CERKL: variants seen among roughly 807,000 people sequenced by gnomAD.
CERKL encodes CERK like autophagy regulator, also known as ceramide kinase-like protein.
Under a neutral mutation model 63.4 loss-of-function variants are expected in CERKL, and 61 were observed. The ratio of observed to expected loss-of-function variants is 0.96; its 90% CI spans 0.78 to 1.19. The LOEUF is 1.19. Ranked by LOEUF, CERKL falls within the 50% of genes most tolerant of loss-of-function variation. CERKL has a pLI of 0.00. For missense variants in CERKL, 675 were observed against 655.5 expected (o/e 1.03, Z -0.33); for synonymous variants, 250 against 230.5 (o/e 1.08, Z -0.77).
chr2:181,614,143 T>TA (rs1170517607), intron 1 of CERKL, among the ~76,000 whole-genome samples: 1 of 152,194 alleles, frequency 6.6e-6, no homozygotes, highest in Non-Finnish European at 1.5e-5. Context: ...ACTGGCTTCC[T>TA]AGACTTGAGA....
intron 1 of CERKL, among the ~76,000 whole-genome samples, chr2:181,604,353 C>G (rs1685589170): frequency 6.6e-6 from 1 of 151,976 alleles, no homozygotes; most frequent in Non-Finnish European, 1.5e-5. Context: ...AAATTGTGAC[C>G]ATATCTTAAA....
At chr2:181,642,299 G>A (rs1199343806) in intron 1 of CERKL, among the ~76,000 whole-genome samples, 1 of 152,178 alleles carries the variant, frequency 6.6e-6, no homozygotes, top group African/African-American at 2.4e-5. Context: ...CACTTGGGGT[G>A]TACACAACAG....
Position 181,566,136 on chromosome 2 carries a change from C to T in CERKL, c.614-15G>A, listed in dbSNP as rs776653993. The T allele has an allele frequency of 1.3e-6, 2 of 1,591,420 alleles. No individual in the cohort carries two copies. Among genetic ancestry groups the T allele is most frequent in the South Asian group, 2.2e-5 (2 of 90,656 alleles). ...ATATTCCATTACTATTAAAAAAACACACACACATACACAAAGTGACAGTTT... is the reference window on the plus strand; with the variant it reads ...ATATTCCATTACTATTAAAAAAACATACACACATACACAAAGTGACAGTTT... On this transcript the variant is annotated splice_polypyrimidine_tract_variant and intron_variant, in intron 3 of 12. Transcript: ENST00000410087.
chr2:181,631,238 A>G (rs1686942047), intron 1 of CERKL, among the ~76,000 whole-genome samples: 1 of 152,200 alleles, frequency 6.6e-6, no homozygotes, highest in South Asian at 2.1e-4. Flanking sequence ...GTTCTTTAAA[A>G]GTCTTTTCTT....
At chr2:181,627,670 C>G (rs1255781174) in intron 1 of CERKL, among the ~76,000 whole-genome samples, 3 of 152,178 alleles carry the variant, frequency 2.0e-5, no homozygotes, top group African/African-American at 7.2e-5. Context: ...CATCTGGTTT[C>G]ATCATCTTGT....
At chr2:181,586,736 T>C (rs1020244606) in intron 2 of CERKL, among the ~76,000 whole-genome samples, 1 of 152,142 alleles carries the variant, frequency 6.6e-6, no homozygotes, top group African/African-American at 2.4e-5. Context: ...GATCTATCAG[T>C]GAGTCAATGA....
chr2:181,539,832 A>G (rs1250407881), intron 11 of CERKL, among the ~76,000 whole-genome samples: 1 of 152,200 alleles, frequency 6.6e-6, no homozygotes, highest in African/African-American at 2.4e-5. Flanking sequence ...ACCACTATAG[A>G]ATGGTGCAAG....
At position 181,598,433 on chromosome 2, in the gene CERKL, G is replaced by A. The variant is rs529900707; in HGVS notation, c.481+5404C>T. On this transcript the variant is annotated intron_variant, in intron 2 of 12. Coordinates refer to ENST00000410087, the MANE Select transcript of CERKL (RefSeq NM_201548.5). ...AAAAGCAGATCACATTCCTGCATGA[G>A]GAGCTAGTGCACCTCCCCCTATCTC... 3.3e-5 allele frequency among the ~76,000 whole-genome samples: 5 copies of A among 152,178 alleles called. No homozygotes were observed. In the South Asian group the frequency reaches 1.0e-3, roughly 32 times the overall value.
At chr2:181,652,575 G>A (rs1192344690) in intron 1 of CERKL, among the ~76,000 whole-genome samples, 2 of 152,118 alleles carry the variant, frequency 1.3e-5, no homozygotes, top group African/African-American at 4.8e-5. Context: ...ACTGACCTGA[G>A]CAAGGATTTT....
chr2:181,613,772 T>C (rs113934746), intron 1 of CERKL, among the ~76,000 whole-genome samples: 338 of 152,330 alleles, frequency 2.2e-3, no homozygotes, highest in African/African-American at 7.5e-3. Flanking sequence ...ATATCTCACA[T>C]AGAAAATCTG....
chr2:181,616,947 T>C (rs1472854583), intron 1 of CERKL, among the ~76,000 whole-genome samples: 2 of 152,208 alleles, frequency 1.3e-5, no homozygotes, highest in South Asian at 2.1e-4. Flanking sequence ...TCAAAGAGTA[T>C]ACAGGGTAAA....
chr2:181,555,784 G>T (rs1003496917), intron 5 of CERKL, among the ~76,000 whole-genome samples: 3 of 134,882 alleles, frequency 2.2e-5, no homozygotes, highest in Non-Finnish European at 4.6e-5. Context: ...AGACAGCCTC[G>T]CTCTGTCGCC....
intron 5 of CERKL, among the ~76,000 whole-genome samples, chr2:181,551,110 A>G (rs1191850933): frequency 6.6e-6 from 1 of 151,976 alleles, no homozygotes; most frequent in Non-Finnish European, 1.5e-5. Flanking sequence ...CAGAGCAATT[A>G]GGCAAGAGAA....
chr2:181,648,250 T>C (rs1559123574), intron 1 of CERKL, among the ~76,000 whole-genome samples: 1 of 152,134 alleles, frequency 6.6e-6, no homozygotes, highest in Admixed American at 6.5e-5. Flanking sequence ...CTGTCAAAAG[T>C]TGAAGACAGA....
At chr2:181,553,133 G>C (rs1487764623) in intron 5 of CERKL, among the ~76,000 whole-genome samples, 3 of 152,174 alleles carry the variant, frequency 2.0e-5, no homozygotes, top group Non-Finnish European at 4.4e-5. Context: ...TTCACAAGGT[G>C]AGTCTATGGA....
intron 1 of CERKL, among the ~76,000 whole-genome samples, chr2:181,637,815 T>C (rs1187282048): frequency 6.6e-6 from 1 of 151,962 alleles, no homozygotes; most frequent in Non-Finnish European, 1.5e-5. Flanking sequence ...AAAAAACAAA[T>C]AAGTTGGGGG....
intron 1 of CERKL, among the ~76,000 whole-genome samples, chr2:181,631,073 G>A (rs1171283395): frequency 1.3e-5 from 2 of 152,106 alleles, no homozygotes; most frequent in Non-Finnish European, 2.9e-5. Context: ...CATAGCAAGG[G>A]ATGCAATACA....
At chr2:181,545,367 C>T (rs916589015) in intron 10 of CERKL, among the ~76,000 whole-genome samples, 1 of 152,036 alleles carries the variant, frequency 6.6e-6, no homozygotes, top group Non-Finnish European at 1.5e-5. Context: ...CATAACTGTT[C>T]CATCCAATAT....
At chr2:181,549,107 T>C (rs917239935) in intron 6 of CERKL, among the ~76,000 whole-genome samples, 6 of 152,142 alleles carry the variant, frequency 3.9e-5, no homozygotes, top group Non-Finnish European at 8.8e-5. Flanking sequence ...CTATAAAACA[T>C]GGTCAAAGAA....
Sources: allele counts gnomAD v4.1 joint callset (sites outside exome capture counted in the v4.1 genomes callset), GRCh38; gene constraint gnomAD v4.1.1; transcripts MANE v1.5; gene names NCBI Gene and HGNC (gene_info 2026-07-23, HGNC 2026-07-21).